ITGB3BP: variants seen among roughly 807,000 people sequenced by gnomAD.
ITGB3BP encodes the protein integrin subunit beta 3 binding protein.
ITGB3BP carries 27 observed loss-of-function variants against 29.1 expected under a neutral mutation model. The ratio of observed to expected loss-of-function variants is 0.93; its 90% CI spans 0.68 to 1.28. The LOEUF (loss-of-function observed/expected upper bound fraction) is 1.28. Ranked by LOEUF, ITGB3BP falls within the 50% of genes most tolerant of loss-of-function variation. The pLI is 0.00. For missense variants in ITGB3BP, 192 were observed against 200.2 expected (o/e 0.96, Z 0.25); for synonymous variants, 61 against 61.4 (o/e 0.99, Z 0.03).
At chr1:63,473,598 C>T (rs1241886474) in intron 4 of ITGB3BP, among the ~76,000 whole-genome samples, 6 of 135,084 alleles carry the variant, frequency 4.4e-5, no homozygotes, top group Non-Finnish European at 6.6e-5. Flanking sequence ...CCCGGCCAGC[C>T]GCCCCGTCCG....
upstream of ITGB3BP, among the ~76,000 whole-genome samples, chr1:63,525,048 C>T (rs192730347): frequency 1.5e-4 from 23 of 152,274 alleles, no homozygotes; most frequent in African/African-American, 5.3e-4. Context: ...TGGGTGTCAA[C>T]TACCACTCAT....
chr1:63,500,232 G>T (rs1645891850), intron 2 of ITGB3BP, among the ~76,000 whole-genome samples: 1 of 152,100 alleles, frequency 6.6e-6, no homozygotes, highest in African/African-American at 2.4e-5. Flanking sequence ...ACAAAATTTA[G>T]CTGGGCGTGG....
chr1:63,480,039 AG>A (rs1401835071), intron 3 of ITGB3BP, among the ~76,000 whole-genome samples: 1 of 152,134 alleles, frequency 6.6e-6, no homozygotes, highest in Admixed American at 6.5e-5. Flanking sequence ...ATATTTATTT[AG>A]TAAATCCTTG....
intron 7 of ITGB3BP, chr1:63,451,951 T>C (rs574181880): frequency 2.0e-5 from 3 of 152,256 alleles, no homozygotes; most frequent in South Asian, 4.1e-4. Flanking sequence ...TGAGTTTTCA[T>C]TTAAATCAAT....
chr1:63,493,160 C>T (rs1245055051), intron 2 of ITGB3BP, among the ~76,000 whole-genome samples: 1 of 152,000 alleles, frequency 6.6e-6, no homozygotes, highest in Non-Finnish European at 1.5e-5. Flanking sequence ...CAGCTCATGC[C>T]TGTAATCCCA....
At chr1:63,507,347 G>A (rs1318404395) in intron 2 of ITGB3BP, among the ~76,000 whole-genome samples, 2 of 152,144 alleles carry the variant, frequency 1.3e-5, no homozygotes, top group Non-Finnish European at 2.9e-5. Flanking sequence ...TGGCTACCTT[G>A]ACACATCTTC....
At chr1:63,518,374 G>A (rs1425054055) in intron 1 of ITGB3BP, among the ~76,000 whole-genome samples, 1 of 151,964 alleles carries the variant, frequency 6.6e-6, no homozygotes, top group Non-Finnish European at 1.5e-5. Flanking sequence ...TGTCAATTTT[G>A]TATAAGTTGT....
At chr1:63,465,956 T>C (rs1302626390) in intron 4 of ITGB3BP, among the ~76,000 whole-genome samples, 1 of 152,184 alleles carries the variant, frequency 6.6e-6, no homozygotes, top group Non-Finnish European at 1.5e-5. Flanking sequence ...CTCTGTAGCC[T>C]ATAAGAGTGG....
At chr1:63,492,726 C>T (rs1645678781) in intron 2 of ITGB3BP, among the ~76,000 whole-genome samples, 1 of 148,964 alleles carries the variant, frequency 6.7e-6, no homozygotes, top group African/African-American at 2.4e-5. Flanking sequence ...AGTAAGAGGG[C>T]TAGATTTGGC....
intron 1 of ITGB3BP, among the ~76,000 whole-genome samples, chr1:63,522,477 G>A (rs1646475756): frequency 1.3e-5 from 2 of 152,140 alleles, no homozygotes; most frequent in African/African-American, 2.4e-5. Flanking sequence ...TTTCTATAGG[G>A]TAGCAACTAT....
intron 4 of ITGB3BP, among the ~76,000 whole-genome samples, chr1:63,468,688 C>A (rs1202260175): frequency 5.3e-5 from 8 of 151,892 alleles, no homozygotes; most frequent in Non-Finnish European, 1.5e-5. Flanking sequence ...ATGGAGAAAC[C>A]CCATCTCTAC....
chr1:63,480,003 T>C (rs1645410524), intron 3 of ITGB3BP, among the ~76,000 whole-genome samples: 1 of 152,150 alleles, frequency 6.6e-6, no homozygotes, highest in African/African-American at 2.4e-5. Context: ...TATTTAAATT[T>C]TTTGAGGACC....
At chr1:63,485,275 G>T (rs958294346) in intron 3 of ITGB3BP, among the ~76,000 whole-genome samples, 1 of 151,872 alleles carries the variant, frequency 6.6e-6, no homozygotes, top group Non-Finnish European at 1.5e-5. Context: ...TTACAGGCAA[G>T]AAAACAAAAA....
At chr1:63,489,934 C>G in intron 3 of ITGB3BP, 149 bp downstream of exon 3, 1 of 630,878 alleles carries the variant, frequency 1.6e-6, no homozygotes, top group Non-Finnish European at 2.6e-6. Context: ...ACATTTATGT[C>G]CAAAGTAATA....
At chr1:63,488,657 C>T (rs576617013) in intron 3 of ITGB3BP, among the ~76,000 whole-genome samples, 2 of 152,076 alleles carry the variant, frequency 1.3e-5, no homozygotes, top group South Asian at 4.2e-4. Context: ...GACATAATCT[C>T]ATACAGAATT....
chr1:63,483,305 C>T (rs1570225261), intron 3 of ITGB3BP, among the ~76,000 whole-genome samples: 1 of 152,100 alleles, frequency 6.6e-6, no homozygotes, highest in East Asian at 1.9e-4. Flanking sequence ...TATTGATCTA[C>T]ATTTTACAGG....
chr1:63,525,468 A>G (rs1024467472), upstream of ITGB3BP: 86 of 888,814 alleles, frequency 9.7e-5, 3 homozygotes, highest in Middle Eastern at 1.2e-3. Context: ...ATTTTCTTCT[A>G]TGTATAAAAT....
chr1:63,480,957 C>G (rs989438856), intron 3 of ITGB3BP, among the ~76,000 whole-genome samples: 1 of 151,896 alleles, frequency 6.6e-6, no homozygotes, highest in Non-Finnish European at 1.5e-5. Flanking sequence ...AATGAAAACC[C>G]AAATTGTACC....
chr1:63,453,823 A>G, intron 7 of ITGB3BP, 95 bp downstream of exon 7: 1 of 740,254 alleles, frequency 1.4e-6, no homozygotes. Flanking sequence ...TGAGGAAAAA[A>G]GAAAACCACT....
Sources: allele counts gnomAD v4.1 joint callset (sites outside exome capture counted in the v4.1 genomes callset), GRCh38; gene constraint gnomAD v4.1.1; transcripts MANE v1.5; gene names NCBI Gene and HGNC (gene_info 2026-07-23, HGNC 2026-07-21).